The following ADAM18 variants were observed in gnomAD, a reference collection of about 807,000 sequenced individuals.
ADAM18 encodes ADAM metallopeptidase domain 18.
Under a neutral mutation model 94.4 loss-of-function variants are expected in ADAM18, and 117 were observed. The ratio of observed to expected loss-of-function variants is 1.24; its 90% CI spans 1.07 to 1.45. The LOEUF (loss-of-function observed/expected upper bound fraction) is 1.45. ADAM18 is among the 40% of genes most tolerant of loss of function. ADAM18 has a pLI of 0.00. For missense variants in ADAM18, 936 were observed against 880.0 expected (o/e 1.06, Z -0.81); for synonymous variants, 327 against 291.6 (o/e 1.12, Z -1.24).
At chr8:39,677,095 TA>T (rs1821321677) in intron 14 of ADAM18, among the ~76,000 whole-genome samples, 1 of 152,196 alleles carries the variant, frequency 6.6e-6, no homozygotes, top group African/African-American at 2.4e-5. Flanking sequence ...TTTCTGTCCA[TA>T]AGTGACATGC....
At chr8:39,713,793 A>G (rs1316102448) in intron 18 of ADAM18, among the ~76,000 whole-genome samples, 3 of 152,210 alleles carry the variant, frequency 2.0e-5, no homozygotes, top group African/African-American at 7.2e-5. Flanking sequence ...AGGAAACAAC[A>G]GATGCTGGAG....
chr8:39,636,915 T>C (rs1820088035), intron 7 of ADAM18, among the ~76,000 whole-genome samples: 2 of 151,278 alleles, frequency 1.3e-5, no homozygotes, highest in East Asian at 3.9e-4. Context: ...TTTCTGTATC[T>C]GGCTTATTTC....
At chr8:39,667,916 A>G in intron 13 of ADAM18, 82 bp from the exon 14 acceptor site, 2 of 1,397,524 alleles carry the variant, frequency 1.4e-6, no homozygotes, top group Non-Finnish European at 2.0e-6. Flanking sequence ...AATTAGAAAC[A>G]TTTTATGTGA....
chr8:39,652,661 T>C (rs550646295), intron 12 of ADAM18, among the ~76,000 whole-genome samples: 1 of 152,182 alleles, frequency 6.6e-6, no homozygotes, highest in Non-Finnish European at 1.5e-5. Flanking sequence ...GAACTTCATA[T>C]AATCCAGTGA....
At chr8:39,659,469 G>A (rs1196972183) in intron 12 of ADAM18, among the ~76,000 whole-genome samples, 1 of 151,838 alleles carries the variant, frequency 6.6e-6, no homozygotes, top group Non-Finnish European at 1.5e-5. Context: ...ATAAGCAATA[G>A]CAATTACTAA....
In ADAM18 at chr8:39,672,484, C is replaced by T. The variant is rs1219464248; in HGVS notation, c.1525+4288C>T. Among the ~76,000 whole-genome samples the T allele has an allele frequency of 5.9e-5, 9 of 152,102 alleles. No homozygotes were observed. The South Asian group carries it at 1.4e-3, about 25-fold the overall frequency. On this transcript the variant is annotated intron_variant, in intron 14 of 19. Transcript: ENST00000265707. ...TGTCAGGGAGAGAGTTAATATAATA[C>T]GATTTCCCTGTGTTCTGTGAGCAGC... is the stretch of plus-strand genomic sequence containing the variant.
chr8:39,591,880 C>T (rs1194891231), intron 2 of ADAM18, among the ~76,000 whole-genome samples: 2 of 152,198 alleles, frequency 1.3e-5, no homozygotes, highest in African/African-American at 4.8e-5. Flanking sequence ...GTCAAAATAG[C>T]TCCTTGACTG....
At chr8:39,618,041 G>A (rs73605952) in intron 6 of ADAM18, among the ~76,000 whole-genome samples, 178 of 152,172 alleles carry the variant, frequency 1.2e-3, no homozygotes, top group Non-Finnish European at 1.4e-3. Context: ...CCTATTTGAC[G>A]CCTCCAAAGA....
At chr8:39,709,384 C>T (rs1009052337) in intron 18 of ADAM18, among the ~76,000 whole-genome samples, 2 of 152,048 alleles carry the variant, frequency 1.3e-5, no homozygotes, top group African/African-American at 4.8e-5. Context: ...AGTCTGGGGT[C>T]TTTATAGGCA....
chr8:39,677,220 T>A (rs1821323935), intron 14 of ADAM18, among the ~76,000 whole-genome samples: 1 of 152,208 alleles, frequency 6.6e-6, no homozygotes, highest in Non-Finnish European at 1.5e-5. Context: ...TTAAAAATAA[T>A]ATAACTTATT....
rs746632870 is a variant in ADAM18, at chr8:39,629,467, A to G, written c.588+28A>G. ...AAGTATGCTTTCAAGAGGTCTTTCA[A>G]GAAGGAACTAAGTATGCTTTCAAGA... On this transcript the variant is annotated intron_variant, in intron 7 of 19. Transcript: ENST00000265707. 2.1e-6 allele frequency: 3 copies of G among 1,441,806 alleles called. No homozygotes were observed. In the East Asian group the frequency reaches 7.4e-5, roughly 36 times the overall value. The allele number at this position is 1,441,806 out of a possible 1,614,324, so 89.3% of individuals were successfully genotyped here.
Position 39,729,989 on chromosome 8 carries a change from T to C in ADAM18, c.*49T>C. On this transcript the variant is annotated 3_prime_UTR_variant, in exon 20 of 20. Transcript: ENST00000265707. ...AATAACCTAAAGGAACGAATGTGCTTTATTTATAACCTTACGTTATCCCCA... is the reference window on the plus strand; with the variant it reads ...AATAACCTAAAGGAACGAATGTGCTCTATTTATAACCTTACGTTATCCCCA... The C allele has an allele frequency of 6.4e-7, 1 of 1,560,038 alleles. No homozygotes were observed. Among genetic ancestry groups the C allele is most frequent in the Non-Finnish European group, 8.8e-7 (1 of 1,131,404 alleles).
At chr8:39,715,474 G>GA (rs71294798) in intron 18 of ADAM18, among the ~76,000 whole-genome samples, 50,336 of 143,728 alleles carry the variant, frequency 0.35, 9,731 homozygotes, top group East Asian at 0.74. Context: ...TGATAAAATA[G>GA]AAAAAAAAAA....
chr8:39,646,505 A>G (rs529442431), intron 11 of ADAM18, among the ~76,000 whole-genome samples: 3 of 152,308 alleles, frequency 2.0e-5, no homozygotes, highest in Admixed American at 2.0e-4. Context: ...AAAATTGTTA[A>G]TTGGTTATGT....
At chr8:39,666,141 C>CA (rs1820988631) in intron 13 of ADAM18, among the ~76,000 whole-genome samples, 1 of 152,120 alleles carries the variant, frequency 6.6e-6, no homozygotes, top group Admixed American at 6.6e-5. Context: ...GGGCTGAAGC[C>CA]ATCCTTCCAC....
chr8:39,719,799 TACTGATATTTAAAAC>T (rs1822698852), intron 18 of ADAM18, among the ~76,000 whole-genome samples: 2 of 151,450 alleles, frequency 1.3e-5, no homozygotes, highest in Admixed American at 1.3e-4. Context: ...AGGAACCATA[TACTGATATTTAAAAC>T]ACTGATATTT....
chr8:39,696,380 T>C (rs1585990228), intron 17 of ADAM18, among the ~76,000 whole-genome samples: 1 of 151,682 alleles, frequency 6.6e-6, no homozygotes, highest in East Asian at 1.9e-4. Flanking sequence ...GTTTTTAATT[T>C]TGATGATGTT....
chr8:39,706,041 T>C (rs956925004), intron 17 of ADAM18, among the ~76,000 whole-genome samples: 2 of 152,100 alleles, frequency 1.3e-5, no homozygotes, highest in Non-Finnish European at 2.9e-5. Context: ...TAAATAGTGG[T>C]TGAGGAATTT....
chr8:39,667,428 A>G (rs958638754), intron 13 of ADAM18, among the ~76,000 whole-genome samples: 1 of 151,474 alleles, frequency 6.6e-6, no homozygotes, highest in Non-Finnish European at 1.5e-5. Flanking sequence ...AAAGATGCTG[A>G]TATGATGATA....
Sources: allele counts gnomAD v4.1 joint callset (sites outside exome capture counted in the v4.1 genomes callset), GRCh38; gene constraint gnomAD v4.1.1; transcripts MANE v1.5; gene names NCBI Gene and HGNC (gene_info 2026-07-23, HGNC 2026-07-21).